REPS2: variants seen among roughly 807,000 people sequenced by gnomAD.
The protein encoded by REPS2 is RALBP1 associated Eps domain containing 2, also known as ralBP1-associated Eps domain-containing protein 2.
In REPS2, 23 loss-of-function variants were observed where a neutral mutation model predicts 53.6. The observed-to-expected ratio is 0.43, with a 90% CI of 0.31 to 0.61. REPS2 has a LOEUF of 0.61. Ranked by LOEUF, REPS2 falls within the 20% of genes least tolerant of loss-of-function variation. The probability of loss-of-function intolerance (pLI) is 0.11; values close to 1 mark genes in which losing one functional copy is unlikely to be tolerated. For synonymous variants in REPS2, 238 were observed against 218.6 expected, an observed-to-expected ratio of 1.09 and a Z score of -0.78; for missense variants, 446 against 534.9, an observed-to-expected ratio of 0.83 and a Z score of 1.64.
chrX:17,034,352 A>G (rs2061742069), intron 5 of REPS2, among the ~76,000 whole-genome samples: 1 of 111,515 alleles, frequency 9.0e-6, no homozygotes, highest in African/African-American at 3.3e-5. Flanking sequence ...GCTGGAGTAC[A>G]ATGGCACCAT....
At chrX:17,171,955 C>T in the REPS2 span, among the ~76,000 whole-genome samples, 160 of 111,661 alleles carry the variant, frequency 1.4e-3, no homozygotes, top group Non-Finnish European at 2.3e-3. Context: ...ATGGTGGTAA[C>T]GCTAACCAAT....
chrX:17,125,856 A>G (rs912443333), intron 14 of REPS2, among the ~76,000 whole-genome samples: 6 of 112,136 alleles, frequency 5.4e-5, no homozygotes, highest in East Asian at 2.8e-4. Flanking sequence ...GCTTTACCAG[A>G]TTAATTTCTC....
At chrX:17,186,663 A>G in the REPS2 span, among the ~76,000 whole-genome samples, 1 of 112,180 alleles carries the variant, frequency 8.9e-6, no homozygotes, top group Non-Finnish European at 1.9e-5. Context: ...TAGCCTTAGG[A>G]AATAAAGTTA....
the REPS2 span, among the ~76,000 whole-genome samples, chrX:17,164,065 G>C: frequency 1.8e-5 from 2 of 112,009 alleles, no homozygotes; most frequent in Non-Finnish European, 3.8e-5. Flanking sequence ...GGAAGGAATG[G>C]AACTATGTAG....
chrX:17,015,315 T>A (rs1269770924), intron 2 of REPS2, among the ~76,000 whole-genome samples: 2 of 112,814 alleles, frequency 1.8e-5, no homozygotes, highest in African/African-American at 6.4e-5. Context: ...AAATGCAACC[T>A]TATTGATTTA....
chrX:17,152,045 T>C lies in REPS2; in HGVS notation c.*4564T>C, dbSNP rs1189992020. The C allele has an allele frequency of 9.0e-6, 1 of 111,289 alleles. No individual in the cohort carries two copies. Among genetic ancestry groups the C allele is most frequent in the African/African-American group, 3.3e-5 (1 of 30,579 alleles). 9.2% of individuals were successfully genotyped at this position (111,289 alleles called of 1,213,427 possible). A position where few individuals can be genotyped will look rare whatever the true frequency, so the allele number is the denominator to read the frequency against. On this transcript the variant is annotated 3_prime_UTR_variant, in exon 18 of 18. Transcript: ENST00000357277. The stretch of plus-strand genomic sequence containing the variant: ...TTGATGGCAATTTGAATGTGGGTAT[T>C]ACTCTGTGAGCCACCCTGCTTCGCT...
At chrX:17,180,987 A>G in the REPS2 span, among the ~76,000 whole-genome samples, 1 of 111,743 alleles carries the variant, frequency 8.9e-6, no homozygotes, top group Admixed American at 9.5e-5. Context: ...CAAATCCCCA[A>G]TATTTCAATC....
chrX:16,994,734 C>T (rs2061209600), intron 1 of REPS2, among the ~76,000 whole-genome samples: 1 of 111,266 alleles, frequency 9.0e-6, no homozygotes, highest in Non-Finnish European at 1.9e-5. Flanking sequence ...TGATGAGTAC[C>T]TCAAAATCTC....
At chrX:17,061,352 C>T (rs1398425973) in intron 8 of REPS2, among the ~76,000 whole-genome samples, 1 of 111,952 alleles carries the variant, frequency 8.9e-6, no homozygotes, top group Non-Finnish European at 1.9e-5. Context: ...GTTGCCCAGG[C>T]TGGTCTCAAA....
chrX:17,002,392 A>C (rs894973010), intron 1 of REPS2, among the ~76,000 whole-genome samples: 1 of 111,556 alleles, frequency 9.0e-6, no homozygotes, highest in Non-Finnish European at 1.9e-5. Flanking sequence ...CTGAAATCAC[A>C]CCTCAGCACT....
chrX:17,016,760 C>CTTTTTTTTTTTTTTTTTTTTTTTTTTTT (rs139092298), intron 2 of REPS2, among the ~76,000 whole-genome samples: 1 of 63,665 alleles, frequency 1.6e-5, no homozygotes, highest in Non-Finnish European at 2.9e-5. Flanking sequence ...TTTCTTTTTT[C>CTTTTTTTTTTTTTTTTTTTTTTTTTTTT]TTTTTTTTTT....
chrX:17,138,846 T>G lies in REPS2; in HGVS notation c.1809-10T>G, dbSNP rs2063407409. The G allele has an allele frequency of 1.7e-6, 2 of 1,167,164 alleles. No individual in the cohort carries two copies. Among genetic ancestry groups the G allele is most frequent in the Middle Eastern group, 2.4e-4 (1 of 4,196 alleles). ...TCCTTTTTCACTGAAGTGTTTGTGC[T>G]TTTCTATAGGCAGTCTTCCAAACAG... On this transcript the variant is annotated splice_polypyrimidine_tract_variant and intron_variant, in intron 16 of 17. Coordinates refer to ENST00000357277, the MANE Select transcript of REPS2 (RefSeq NM_004726.3).
chrX:17,015,776 G>A (rs867305607), intron 2 of REPS2, among the ~76,000 whole-genome samples: 7 of 111,994 alleles, frequency 6.3e-5, no homozygotes, highest in Middle Eastern at 4.6e-3. Flanking sequence ...ATTCCATGGT[G>A]TATATGTGCC....
the REPS2 span, among the ~76,000 whole-genome samples, chrX:17,161,209 G>A: frequency 9.0e-6 from 1 of 111,480 alleles, no homozygotes; most frequent in Admixed American, 9.6e-5. Context: ...AATTTTGGCT[G>A]TCATGATCTC....
Position 17,147,545 on chromosome X carries a change from T to C in REPS2, c.*64T>C. 1.1e-6 allele frequency: 1 copy of C among 885,018 alleles called. No homozygotes were observed. Among genetic ancestry groups the C allele is most frequent in the Non-Finnish European group, 1.6e-6 (1 of 618,746 alleles). The allele number at this position is 885,018 out of a possible 1,213,427, so 72.9% of individuals were successfully genotyped here. ...GCCAAGATCTTTCTTTTGAATGTTT[T>C]GAACCCAACTACTTGTCATAGATGT... On this transcript the variant is annotated 3_prime_UTR_variant, in exon 18 of 18. Transcript: ENST00000357277.
chrX:17,017,123 C>T (rs2061508752), intron 2 of REPS2, among the ~76,000 whole-genome samples: 1 of 111,410 alleles, frequency 9.0e-6, no homozygotes, highest in Non-Finnish European at 1.9e-5. Flanking sequence ...AGGTGTACAC[C>T]ACCATGCCTG....
In REPS2 at chrX:17,077,531, G is replaced by A. The variant is rs1196995846; in HGVS notation, c.1516+124G>A. ...ACCTGGCAGTTTCGCATTCCGTGAA[G>A]GTCTTCACGTGGCTATGGTATTCTT... On this transcript the variant is annotated intron_variant, in intron 13 of 17. Coordinates refer to ENST00000357277, the MANE Select transcript of REPS2 (RefSeq NM_004726.3). The A allele has an allele frequency of 1.3e-5, 9 of 670,627 alleles. No homozygotes were observed. In the East Asian group the frequency reaches 2.3e-4, roughly 17 times the overall value. 55.3% of individuals were successfully genotyped at this position (670,627 alleles called of 1,213,427 possible).
intron 5 of REPS2, among the ~76,000 whole-genome samples, chrX:17,032,609 G>T (rs2061721705): frequency 8.9e-6 from 1 of 111,812 alleles, no homozygotes; most frequent in African/African-American, 3.3e-5. Flanking sequence ...CTAGGCTGGG[G>T]TGACTAATCC....
intron 14 of REPS2, among the ~76,000 whole-genome samples, chrX:17,116,707 C>A (rs766248779): frequency 1.8e-5 from 2 of 111,598 alleles, no homozygotes; most frequent in Admixed American, 9.5e-5. Flanking sequence ...TTTACTTTTC[C>A]CTATTTTTGT....
Sources: allele counts gnomAD v4.1 joint callset (sites outside exome capture counted in the v4.1 genomes callset), GRCh38; gene constraint gnomAD v4.1.1; transcripts MANE v1.5; gene names NCBI Gene and HGNC (gene_info 2026-07-23, HGNC 2026-07-21).